The following DOCK3 variants were observed in gnomAD, a reference collection of about 807,000 sequenced individuals.
DOCK3 encodes dedicator of cytokinesis protein 3.
A neutral mutation model predicts 265.6 loss-of-function variants in DOCK3; 60 were observed. The ratio of observed to expected loss-of-function variants is 0.23; its 90% CI spans 0.18 to 0.28. The LOEUF is 0.28. Among genes scored for constraint, DOCK3 ranks in the 10% least tolerant of loss-of-function variants. The pLI is 1.00. For synonymous variants in DOCK3, 881 were observed against 938.0 expected, an observed-to-expected ratio of 0.94 and a Z score of 1.11; for missense variants, 1,981 against 2,594.3, an observed-to-expected ratio of 0.76 and a Z score of 5.14.
At chr3:51,273,661 A>G (rs138349789) in intron 24 of DOCK3, among the ~76,000 whole-genome samples, 40 of 152,278 alleles carry the variant, frequency 2.6e-4, no homozygotes, top group African/African-American at 7.7e-4. Context: ...TATTCTAAGC[A>G]TTTGACAAGG....
chr3:51,311,062 A>G (rs1234867669), intron 28 of DOCK3, among the ~76,000 whole-genome samples: 1 of 152,266 alleles, frequency 6.6e-6, no homozygotes, highest in Non-Finnish European at 1.5e-5. Context: ...TATAAAGAAT[A>G]GAAGGATGAT....
chr3:50,851,636 T>C (rs1183249066), intron 3 of DOCK3, among the ~76,000 whole-genome samples: 3 of 152,192 alleles, frequency 2.0e-5, no homozygotes, highest in Non-Finnish European at 4.4e-5. Context: ...CAATGGCACA[T>C]GCAGAATGGT....
chr3:51,049,909 A>T (rs2080929775), intron 5 of DOCK3, among the ~76,000 whole-genome samples: 1 of 151,982 alleles, frequency 6.6e-6, no homozygotes, highest in African/African-American at 2.4e-5. Flanking sequence ...TATCAGTTGC[A>T]TGTCTGTGTA....
intron 12 of DOCK3, among the ~76,000 whole-genome samples, chr3:51,186,670 T>G (rs558380696): frequency 6.6e-6 from 1 of 152,286 alleles, no homozygotes; most frequent in East Asian, 1.9e-4. Flanking sequence ...CCCCACACTG[T>G]GTGCAGCCTA....
chr3:51,081,340 G>A (rs901064991), intron 7 of DOCK3, among the ~76,000 whole-genome samples: 2 of 152,006 alleles, frequency 1.3e-5, no homozygotes. Context: ...CCAACACCAC[G>A]CACTGAACAT....
intron 9 of DOCK3, among the ~76,000 whole-genome samples, chr3:51,117,169 T>C (rs1243656545): frequency 6.6e-6 from 1 of 152,264 alleles, no homozygotes; most frequent in Admixed American, 6.5e-5. Context: ...GCTTTTAGTA[T>C]GCAGGGCTGT....
rs150286054 is a variant in DOCK3 at position 50,875,978 on chromosome 3, G to A, written c.163-14048G>A. 2.8e-4 allele frequency among the ~76,000 whole-genome samples: 43 copies of A among 152,112 alleles called. 1 individual carries two copies. The East Asian group carries it at 8.1e-3, about 29-fold the overall frequency. ...AGCTGAATAATCCAGCTCTACTGGAGCATTAAAAAAAATTCTTTACCATCG... is the reference window on the plus strand; with the variant it reads ...AGCTGAATAATCCAGCTCTACTGGAACATTAAAAAAAATTCTTTACCATCG... On this transcript the variant is annotated intron_variant, in intron 3 of 52. Transcript: ENST00000266037.
chr3:50,918,844 G>T (rs534525866), intron 4 of DOCK3, among the ~76,000 whole-genome samples: 11 of 152,296 alleles, frequency 7.2e-5, no homozygotes, highest in African/African-American at 2.2e-4. Flanking sequence ...CCATGCCTAC[G>T]ACCTGAATGG....
In DOCK3 at chr3:51,220,709, G is replaced by GTGTGTGTA. The variant is rs1208536854; in HGVS notation, c.1253-4939_1253-4938insGTGTGTAT. On this transcript the variant is annotated intron_variant, in intron 14 of 52. Coordinates refer to ENST00000266037, the MANE Select transcript of DOCK3 (RefSeq NM_004947.5). Reference sequence around the variant, plus strand: ...TATATGTGTGTGTGTGTGTGTGTGTGTATATATATATATATATATATATAA... The same window carrying GTGTGTGTA: ...TATATGTGTGTGTGTGTGTGTGTGTGTGTGTGTATATATATATATATATATATATATAA... Among the ~76,000 whole-genome samples, 72 of 132,374 alleles carry GTGTGTGTA rather than the reference G, an allele frequency of 5.4e-4. 1 individual carries two copies. In the South Asian group the frequency reaches 7.1e-3, roughly 13 times the overall value. The allele number at this position is 132,374 out of a possible 152,430, so 86.8% of individuals were successfully genotyped here. A position where few individuals can be genotyped will look rare whatever the true frequency, so the allele number is the denominator to read the frequency against.
At chr3:51,250,624 A>G (rs531302414) in intron 22 of DOCK3, among the ~76,000 whole-genome samples, 1 of 152,158 alleles carries the variant, frequency 6.6e-6, no homozygotes, top group Admixed American at 6.5e-5. Context: ...ATCTCAAGAG[A>G]AAACAAACAA....
In DOCK3 at chr3:51,360,632, G is replaced by A. The variant is rs766596552; in HGVS notation, c.5006G>A (p.Ser1669Asn). Reference protein sequence around the residue: ...PESIKMTHRHSPMNLMGTGRH... With the variant: ...PESIKMTHRHNPMNLMGTGRH... ...AGCATCAAGATGACCCACCGGCACA[G>A]GTATGGCCTTAGGGCTGGGGAGGGT... Residue 1669 changes from serine (S) to asparagine (N), a missense_variant and splice_region_variant, in exon 47 of 53, where the codon AGC becomes AAC. Around this residue, in one of 4 missense-constraint regions of DOCK3, gnomAD observed 1,357 missense variants for 1,866.8 expected, o/e 0.73. Transcript: ENST00000266037. The A allele has an allele frequency of 2.5e-6, 4 of 1,613,828 alleles. No homozygotes were observed. Among genetic ancestry groups the A allele is most frequent in the Non-Finnish European group, 3.4e-6 (4 of 1,179,842 alleles).
intron 12 of DOCK3, among the ~76,000 whole-genome samples, chr3:51,175,949 A>G (rs942132626): frequency 3.9e-5 from 6 of 152,192 alleles, no homozygotes; most frequent in African/African-American, 1.2e-4. Context: ...TCAGACATGC[A>G]TTGTTTGAAC....
At chr3:51,107,419 T>A (rs1161239223) in intron 9 of DOCK3, among the ~76,000 whole-genome samples, 2 of 152,138 alleles carry the variant, frequency 1.3e-5, no homozygotes, top group East Asian at 3.9e-4. Context: ...ATCATTGAGA[T>A]TCAGAAGAAC....
Position 50,731,267 on chromosome 3 carries a change from AAC to A in DOCK3, c.38-47406_38-47405del, listed in dbSNP as rs1324521249. 9.2e-5 allele frequency among the ~76,000 whole-genome samples: 14 copies of A among 152,362 alleles called. No homozygotes were observed. The South Asian group carries it at 2.7e-3, about 29-fold the overall frequency. ...TATCCGAGAAAGGCAAGGTCAATTT[AAC>A]AACTCAGGAGTAAATCAGGTGTGAT... On this transcript the variant is annotated intron_variant, in intron 1 of 52. Coordinates refer to ENST00000266037, the MANE Select transcript of DOCK3 (RefSeq NM_004947.5).
intron 9 of DOCK3, among the ~76,000 whole-genome samples, chr3:51,098,811 G>GC (rs1369449224): frequency 6.6e-6 from 1 of 152,200 alleles, no homozygotes; most frequent in Non-Finnish European, 1.5e-5. Context: ...TAAGAGAGGA[G>GC]CTGGTACCTT....
At chr3:51,177,447 C>G (rs957933240) in intron 12 of DOCK3, among the ~76,000 whole-genome samples, 1 of 152,044 alleles carries the variant, frequency 6.6e-6, no homozygotes, top group African/African-American at 2.4e-5. Flanking sequence ...AAAATTTAGG[C>G]GTTCTTTTTG....
chr3:51,002,424 CA>C (rs2078520761), intron 5 of DOCK3, among the ~76,000 whole-genome samples: 1 of 152,162 alleles, frequency 6.6e-6, no homozygotes, highest in South Asian at 2.1e-4. Context: ...TGTATCTTCA[CA>C]CAGCAAAAGT....
chr3:50,807,745 G>A (rs1305750600), intron 2 of DOCK3, among the ~76,000 whole-genome samples: 1 of 152,266 alleles, frequency 6.6e-6, no homozygotes. Flanking sequence ...TACAGTGTCA[G>A]TATTGTGTTG....
At chr3:50,835,008 A>C (rs748873238) in intron 2 of DOCK3, among the ~76,000 whole-genome samples, 15 of 152,196 alleles carry the variant, frequency 9.9e-5, no homozygotes, top group Non-Finnish European at 2.2e-4. Flanking sequence ...AGATTCTCAT[A>C]AACCTTTTTT....
Sources: gnomAD v4.1 joint callset for allele counts (sites outside exome capture counted in the v4.1 genomes callset) on GRCh38, gnomAD v4.1.1 for gene constraint, gnomAD v4.1.1 regional missense constraint, MANE v1.5 for transcripts, NCBI Gene and HGNC (gene_info 2026-07-23, HGNC 2026-07-21) for gene names.